AGTPBP1: variants seen among roughly 807,000 people sequenced by gnomAD.
The protein encoded by AGTPBP1 is cytosolic carboxypeptidase 1.
AGTPBP1 carries 70 observed loss-of-function variants against 143.9 expected under a neutral mutation model. That is an observed-to-expected ratio of 0.49 (90% CI 0.40 to 0.59). AGTPBP1 has a LOEUF of 0.59. Ranked by LOEUF, AGTPBP1 falls within the 20% of genes least tolerant of loss-of-function variation. The pLI, the probability that AGTPBP1 is intolerant of heterozygous loss-of-function variation, is 0.00. For missense variants in AGTPBP1, 1,229 were observed against 1,464.5 expected, an observed-to-expected ratio of 0.84 and a Z score of 2.62; for synonymous variants, 463 against 500.2, an observed-to-expected ratio of 0.93 and a Z score of 0.99.
chr9:85,674,072 G>A (rs1192245049), intron 6 of AGTPBP1, among the ~76,000 whole-genome samples: 18 of 146,104 alleles, frequency 1.2e-4, no homozygotes, highest in African/African-American at 4.1e-4. Flanking sequence ...GCAGTGAGCC[G>A]AGATCGTACC....
chr9:85,791,373 CA>C, the AGTPBP1 span: 1,238 of 83,682 alleles, frequency 0.015, 14 homozygotes, highest in African/African-American at 0.034. Context: ...GACTCCGTCT[CA>C]AAAAAAAAAA....
chr9:85,587,072 T>C, intron 21 of AGTPBP1, 112 bp from the exon 22 acceptor site: 3 of 1,336,574 alleles, frequency 2.2e-6, no homozygotes, highest in Non-Finnish European at 2.0e-6. Flanking sequence ...TCTATTCCAC[T>C]AAGCATTTCA....
At chr9:85,798,207 T>G in the AGTPBP1 span, among the ~76,000 whole-genome samples, 1 of 151,922 alleles carries the variant, frequency 6.6e-6, no homozygotes, top group African/African-American at 2.4e-5. Flanking sequence ...CAGCCACATG[T>G]TTTTCTGTTT....
At chr9:85,734,957 A>G (rs897436634) in intron 1 of AGTPBP1, among the ~76,000 whole-genome samples, 2 of 152,110 alleles carry the variant, frequency 1.3e-5, no homozygotes, top group African/African-American at 4.8e-5. Flanking sequence ...AATCACTTGA[A>G]CCCAGAGGCA....
the AGTPBP1 span, among the ~76,000 whole-genome samples, chr9:85,804,552 CCT>C: frequency 6.6e-6 from 1 of 152,178 alleles, no homozygotes; most frequent in Non-Finnish European, 1.5e-5. Context: ...CTTCAACTCC[CCT>C]CTAACTCTGA....
Position 85,630,387 on chromosome 9 carries a change from C to CTTATTTATTTATTTATTTATTTAT in AGTPBP1, c.2015+2274_2015+2275insATAAATAAATAAATAAATAAATAA, listed in dbSNP as rs1245325032. 6.2e-4 allele frequency among the ~76,000 whole-genome samples: 90 copies of CTTATTTATTTATTTATTTATTTAT among 144,340 alleles called. 1 individual carries two copies. Among genetic ancestry groups the CTTATTTATTTATTTATTTATTTAT allele is most frequent in the African/African-American group, 2.0e-3 (74 of 37,502 alleles). 94.7% of individuals were successfully genotyped at this position (144,340 alleles called of 152,430 possible). A position where few individuals can be genotyped will look rare whatever the true frequency, so the allele number is the denominator to read the frequency against. On this transcript the variant is annotated intron_variant, in intron 14 of 25. Coordinates refer to ENST00000357081, the MANE Select transcript of AGTPBP1 (RefSeq NM_001330701.2). ...CTTACAGGATTGACTTACTTACTTA[C>CTTATTTATTTATTTATTTATTTAT]TTACTTATTTATTTAGTTATTTATT...
chr9:85,711,802 T>C (rs939485214), intron 2 of AGTPBP1, among the ~76,000 whole-genome samples: 1 of 152,192 alleles, frequency 6.6e-6, no homozygotes, highest in African/African-American at 2.4e-5. Context: ...ATGCAGTCCC[T>C]GTCATAACTA....
At chr9:85,660,634 ATACT>A (rs1051802376) in intron 9 of AGTPBP1, among the ~76,000 whole-genome samples, 14 of 152,270 alleles carry the variant, frequency 9.2e-5, no homozygotes, top group African/African-American at 2.6e-4. Flanking sequence ...TCAAAACATG[ATACT>A]TATATATTTT....
intron 1 of AGTPBP1, among the ~76,000 whole-genome samples, chr9:85,727,183 C>T (rs917738719): frequency 1.3e-5 from 2 of 151,994 alleles, no homozygotes; most frequent in South Asian, 2.1e-4. Context: ...AAAAATCAGC[C>T]GGGCATGGTG....
intron 1 of AGTPBP1, among the ~76,000 whole-genome samples, chr9:85,717,206 C>A (rs1429738006): frequency 1.3e-5 from 2 of 152,142 alleles, no homozygotes; most frequent in African/African-American, 2.4e-5. Context: ...CATGATGATT[C>A]AAAAATAACT....
intron 8 of AGTPBP1, among the ~76,000 whole-genome samples, chr9:85,669,040 T>C (rs1371949751): frequency 2.0e-4 from 23 of 114,286 alleles, no homozygotes; most frequent in Admixed American, 1.8e-3. Flanking sequence ...CACACACACA[T>C]CTCAGGATGG....
At chr9:85,726,955 A>G (rs1360833766) in intron 1 of AGTPBP1, among the ~76,000 whole-genome samples, 3 of 152,222 alleles carry the variant, frequency 2.0e-5, no homozygotes, top group Non-Finnish European at 2.9e-5. Flanking sequence ...AAATGTTTAT[A>G]TGAGATACAG....
In AGTPBP1 at chr9:85,719,108, C is replaced by T. The variant is rs569431210; in HGVS notation, c.-33-6542G>A. Among the ~76,000 whole-genome samples, 6 of 152,284 alleles carry T rather than the reference C, an allele frequency of 3.9e-5. No individual in the cohort carries two copies. The East Asian group carries it at 1.2e-3, about 29-fold the overall frequency. Reference sequence around the variant, plus strand: ...AGTTTGAAGTCAGGTAGTGTGATGCCTCCAGCTTTGTTCTTTTGGCTTAGG... The same window carrying T: ...AGTTTGAAGTCAGGTAGTGTGATGCTTCCAGCTTTGTTCTTTTGGCTTAGG... On this transcript the variant is annotated intron_variant, in intron 1 of 25. Coordinates refer to ENST00000357081, the MANE Select transcript of AGTPBP1 (RefSeq NM_001330701.2).
chr9:85,769,050 CAA>C, the AGTPBP1 span, among the ~76,000 whole-genome samples: 419 of 60,104 alleles, frequency 7.0e-3, 1 homozygote, highest in Non-Finnish European at 8.4e-3. Context: ...GAGGCCCTGT[CAA>C]AAAAAAAAAA....
intron 8 of AGTPBP1, among the ~76,000 whole-genome samples, chr9:85,666,173 T>C (rs1796750699): frequency 6.6e-6 from 1 of 152,142 alleles, no homozygotes; most frequent in Non-Finnish European, 1.5e-5. Context: ...ACTAATGAAG[T>C]GACATCTACT....
At chr9:85,706,130 G>A (rs1349925265) in intron 2 of AGTPBP1, among the ~76,000 whole-genome samples, 1 of 151,802 alleles carries the variant, frequency 6.6e-6, no homozygotes, top group East Asian at 1.9e-4. Context: ...CTACGCCAAC[G>A]AGAAGATGAA....
intron 4 of AGTPBP1, 44 bp downstream of exon 4, chr9:85,681,224 C>T (rs1467243128): frequency 1.3e-6 from 2 of 1,566,362 alleles, no homozygotes; most frequent in African/African-American, 1.4e-5. Context: ...TTCAGTATTG[C>T]TTGGCATTAG....
At chr9:85,671,780 C>T (rs1834496735) in intron 7 of AGTPBP1, among the ~76,000 whole-genome samples, 1 of 152,074 alleles carries the variant, frequency 6.6e-6, no homozygotes, top group African/African-American at 2.4e-5. Context: ...CTCTGTGAGC[C>T]CTCTTCTCTC....
chr9:85,773,474 C>T, the AGTPBP1 span, among the ~76,000 whole-genome samples: 1 of 150,780 alleles, frequency 6.6e-6, no homozygotes, highest in African/African-American at 2.4e-5. Context: ...GCTGGGATTA[C>T]AGGTGTGCAC....
Sources: gnomAD v4.1 joint callset for allele counts (sites outside exome capture counted in the v4.1 genomes callset) on GRCh38, gnomAD v4.1.1 for gene constraint, MANE v1.5 for transcripts, NCBI Gene and HGNC (gene_info 2026-07-23, HGNC 2026-07-21) for gene names.